Variants in PIK3C2G observed in about 807,000 individuals in gnomAD.
PIK3C2G encodes phosphatidylinositol 3-kinase C2 domain-containing subunit gamma.
PIK3C2G carries 168 observed loss-of-function variants against 181.1 expected under a neutral mutation model. The observed-to-expected ratio is 0.93, with a 90% CI of 0.82 to 1.05. PIK3C2G has a LOEUF of 1.05. PIK3C2G is among the 50% of genes least tolerant of loss of function. PIK3C2G has a pLI of 0.00. For synonymous variants in PIK3C2G, 573 were observed against 592.2 expected (o/e 0.97, Z 0.47); for missense variants, 1,869 against 1,732.8 (o/e 1.08, Z -1.40).
chr12:18,723,387 T>C, the PIK3C2G span: 5 of 1,613,050 alleles, frequency 3.1e-6, no homozygotes, highest in Non-Finnish European at 4.2e-6. Flanking sequence ...ATTGTTCTTG[T>C]GTCAGAAATT....
chr12:18,670,457 C>A, the PIK3C2G span, among the ~76,000 whole-genome samples: 1 of 152,020 alleles, frequency 6.6e-6, no homozygotes, highest in Non-Finnish European at 1.5e-5. Context: ...AGTTGAAGGG[C>A]CTACCCAAGA....
In PIK3C2G at chr12:18,538,195, C is replaced by G. The variant is rs1456276407; in HGVS notation, c.3363C>G (p.Tyr1121Ter). Residue 1121 changes from tyrosine to a stop codon, truncating the protein, a stop_gained, in exon 25 of 33, where the codon TAC becomes TAG. Coordinates refer to ENST00000538779, the MANE Select transcript of PIK3C2G (RefSeq NM_001288772.2). LOFTEE classifies it high-confidence loss of function. Reference protein sequence around the residue: ...APFIFTSEMEYFITEGGKNPQ... With the variant: ...APFIFTSEME The stretch of plus-strand genomic sequence containing the variant: ...TCATTTTTACTTCAGAGATGGAATA[C>G]TTTATTACAGAGGGTGGGAAAAACC... 3 of 1,611,946 alleles carry G rather than the reference C, an allele frequency of 1.9e-6. No homozygotes were observed. The highest frequency in any genetic ancestry group is 2.5e-6 in the Non-Finnish European group (3 of 1,178,880).
chr12:18,600,680 A>G (rs1947662280), intron 30 of PIK3C2G, among the ~76,000 whole-genome samples: 1 of 152,110 alleles, frequency 6.6e-6, no homozygotes, highest in South Asian at 2.1e-4. Flanking sequence ...CAACTCCATG[A>G]GAAAATAAAT....
chr12:18,326,249 G>T (rs1208788422), intron 8 of PIK3C2G, among the ~76,000 whole-genome samples: 1 of 152,144 alleles, frequency 6.6e-6, no homozygotes, highest in African/African-American at 2.4e-5. Flanking sequence ...CTGAAGTTGT[G>T]ATCTCCATTA....
At chr12:18,554,261 C>T (rs1396959607) in intron 26 of PIK3C2G, among the ~76,000 whole-genome samples, 1 of 152,010 alleles carries the variant, frequency 6.6e-6, no homozygotes, top group East Asian at 1.9e-4. Context: ...CTCTTAATGT[C>T]CTGACTGTCA....
At chr12:18,266,777 C>A (rs979237534) in intron 1 of PIK3C2G, among the ~76,000 whole-genome samples, 5 of 151,860 alleles carry the variant, frequency 3.3e-5, no homozygotes, top group African/African-American at 1.2e-4. Context: ...ATAGATTTTT[C>A]TTTCTTCTCC....
chr12:18,362,207 A>G (rs1214428165), intron 11 of PIK3C2G, among the ~76,000 whole-genome samples: 1 of 152,158 alleles, frequency 6.6e-6, no homozygotes, highest in Non-Finnish European at 1.5e-5. Context: ...CGTGCTAGTA[A>G]AAACCATCAT....
At chr12:18,699,800 A>G in the PIK3C2G span, 2 of 1,613,362 alleles carry the variant, frequency 1.2e-6, no homozygotes, top group Non-Finnish European at 1.7e-6. Flanking sequence ...TTACCTCGCA[A>G]TTTTGAAAGT....
At chr12:18,599,865 T>C (rs1167615899) in intron 30 of PIK3C2G, among the ~76,000 whole-genome samples, 1 of 151,874 alleles carries the variant, frequency 6.6e-6, no homozygotes, top group African/African-American at 2.4e-5. Flanking sequence ...AAGAGAATTT[T>C]ATAATGAGTA....
At chr12:18,591,966 A>G (rs569492702) in intron 29 of PIK3C2G, among the ~76,000 whole-genome samples, 6 of 151,940 alleles carry the variant, frequency 3.9e-5, no homozygotes, top group African/African-American at 1.2e-4. Context: ...AATTTTATGT[A>G]TGGGGTGAGG....
intron 9 of PIK3C2G, 125 bp from the exon 10 acceptor site, chr12:18,343,202 C>A: frequency 1.6e-6 from 1 of 606,128 alleles, no homozygotes; most frequent in Admixed American, 3.4e-5. Context: ...TATATGATGC[C>A]AAGAAATATT....
At chr12:18,498,343 C>A (rs554362006) in intron 22 of PIK3C2G, among the ~76,000 whole-genome samples, 5 of 152,154 alleles carry the variant, frequency 3.3e-5, no homozygotes, top group African/African-American at 1.2e-4. Flanking sequence ...TGTCAATAGA[C>A]CACCCAAATT....
At chr12:18,485,272 A>G (rs1939920312) in intron 18 of PIK3C2G, among the ~76,000 whole-genome samples, 3 of 152,190 alleles carry the variant, frequency 2.0e-5, no homozygotes, top group African/African-American at 7.2e-5. Flanking sequence ...TGGCTCTAGC[A>G]AGTCCCTCAT....
In PIK3C2G at chr12:18,546,326, C is replaced by T; in HGVS notation, c.3484C>T (p.Leu1162=). ...GCTTGTTCTTGTTGTGGTTAAGATG[C>T]TGTATGCAGGACTGCCTGAGCTAAG... is the stretch of plus-strand genomic sequence containing the variant. ...QLLLNLLEMM[L]YAGLPELSGI... Residue 1162 remains leucine (L), a synonymous_variant, in exon 26 of 33, where the codon CTG becomes TTG. Coordinates refer to ENST00000538779, the MANE Select transcript of PIK3C2G (RefSeq NM_001288772.2). 1 of 1,546,286 alleles carries T rather than the reference C, an allele frequency of 6.5e-7. No homozygotes were observed. The highest frequency in any genetic ancestry group is 8.9e-7 in the Non-Finnish European group (1 of 1,126,072).
intron 5 of PIK3C2G, among the ~76,000 whole-genome samples, chr12:18,312,048 C>T (rs1455754381): frequency 6.6e-6 from 1 of 152,144 alleles, no homozygotes; most frequent in Non-Finnish European, 1.5e-5. Flanking sequence ...CGTTTCTCTG[C>T]CTGCTTTTAT....
chr12:18,398,891 T>G (rs1437821145), intron 15 of PIK3C2G, among the ~76,000 whole-genome samples: 2 of 152,132 alleles, frequency 1.3e-5, no homozygotes, highest in African/African-American at 4.8e-5. Flanking sequence ...TGAAGAAATA[T>G]CATTACTAAA....
chr12:18,371,900 T>G (rs1942090225), intron 13 of PIK3C2G, among the ~76,000 whole-genome samples: 1 of 152,118 alleles, frequency 6.6e-6, no homozygotes, highest in Admixed American at 6.6e-5. Context: ...TCTATGGTAT[T>G]AAGGAAAAAT....
intron 26 of PIK3C2G, among the ~76,000 whole-genome samples, chr12:18,557,042 T>C (rs1277435833): frequency 5.9e-5 from 9 of 152,122 alleles, no homozygotes; most frequent in African/African-American, 1.7e-4. Flanking sequence ...CATTGCATGA[T>C]CACTTTGATA....
chr12:18,312,204 A>G (rs1255356658), intron 5 of PIK3C2G, among the ~76,000 whole-genome samples: 2 of 152,168 alleles, frequency 1.3e-5, no homozygotes, highest in African/African-American at 4.8e-5. Flanking sequence ...CTCCGATCCA[A>G]TCAAGTTGAC....
Sources: allele counts gnomAD v4.1 joint callset (sites outside exome capture counted in the v4.1 genomes callset), GRCh38; gene constraint gnomAD v4.1.1; transcripts MANE v1.5; gene names NCBI Gene and HGNC (gene_info 2026-07-23, HGNC 2026-07-21).